RHCE: variants seen among roughly 807,000 people sequenced by gnomAD.
RHCE encodes the protein blood group Rh(CE) polypeptide.
RHCE carries 22 observed loss-of-function variants against 43.8 expected under a neutral mutation model. The ratio of observed to expected loss-of-function variants is 0.50; its 90% CI spans 0.36 to 0.72. RHCE has a LOEUF of 0.72. RHCE is among the 30% of genes least tolerant of loss of function. The pLI is 0.00. For synonymous variants in RHCE, 156 were observed against 210.7 expected (o/e 0.74, Z 2.25); for missense variants, 385 against 525.4 (o/e 0.73, Z 2.61).
chr1:25,382,697 T>A (rs948579849), intron 7 of RHCE, among the ~76,000 whole-genome samples: 2 of 152,012 alleles, frequency 1.3e-5, no homozygotes, highest in African/African-American at 2.4e-5. Flanking sequence ...CAAGTTCAGG[T>A]TAGGGAAGTG....
At chr1:25,379,468 TATATATATATATATATATATATATATA>T (rs1459699496) in intron 7 of RHCE, among the ~76,000 whole-genome samples, 13 of 5,976 alleles carry the variant, frequency 2.2e-3, no homozygotes, top group East Asian at 0.011. Flanking sequence ...TATATATATA[TATATATATATATATATATATATATATA>T]TTTTTTTTTT....
chr1:25,410,436 A>AT (rs994617881), intron 1 of RHCE, among the ~76,000 whole-genome samples: 119 of 145,752 alleles, frequency 8.2e-4, no homozygotes, highest in African/African-American at 1.5e-3. Context: ...CATGTAGACA[A>AT]TTTTTTTTTT....
At chr1:25,419,058 C>T (rs2042685707) in intron 1 of RHCE, among the ~76,000 whole-genome samples, 1 of 152,164 alleles carries the variant, frequency 6.6e-6, no homozygotes. Flanking sequence ...TTTAAATACG[C>T]TGTGCTATTG....
intron 1 of RHCE, among the ~76,000 whole-genome samples, chr1:25,420,109 G>A (rs1334046680): frequency 1.3e-5 from 2 of 151,786 alleles, no homozygotes; most frequent in Non-Finnish European, 2.9e-5. Context: ...TTGAGACTAG[G>A]AGGTCAAGGC....
chr1:25,372,116 G>C (rs1053379214), intron 8 of RHCE, among the ~76,000 whole-genome samples: 1 of 151,618 alleles, frequency 6.6e-6, no homozygotes, highest in Non-Finnish European at 1.5e-5. Context: ...CCATCACTAG[G>C]AACACCCACT....
chr1:25,420,525 C>A, intron 1 of RHCE, 114 bp downstream of exon 1: 1 of 1,603,830 alleles, frequency 6.2e-7, no homozygotes, highest in Non-Finnish European at 8.5e-7. Flanking sequence ...ATGGGGGAAT[C>A]TTTTCCTCGG....
chr1:25,384,788 G>A (rs397833581), intron 7 of RHCE, among the ~76,000 whole-genome samples: 8 of 152,130 alleles, frequency 5.3e-5, no homozygotes, highest in East Asian at 1.9e-4. Context: ...GTTCCAGCCG[G>A]GTGACCTTGG....
intron 2 of RHCE, among the ~76,000 whole-genome samples, chr1:25,403,333 A>G (rs899459457): frequency 6.6e-6 from 1 of 151,664 alleles, no homozygotes; most frequent in African/African-American, 2.4e-5. Context: ...ATTAAGAATG[A>G]TGATCAAACG....
chr1:25,416,819 C>CGG (rs71014361), intron 1 of RHCE, among the ~76,000 whole-genome samples: 7,116 of 116,558 alleles, frequency 0.061, 654 homozygotes, highest in African/African-American at 0.18. Flanking sequence ...TTAGAGATGG[C>CGG]GGGGGGGGGT....
intron 7 of RHCE, among the ~76,000 whole-genome samples, chr1:25,376,897 G>A (rs556156490): frequency 1.3e-5 from 2 of 151,548 alleles, no homozygotes; most frequent in Non-Finnish European, 2.9e-5. Flanking sequence ...CTGGGCAACA[G>A]AGCAAGACTC....
At chr1:25,390,577 C>G (rs1338903490) in intron 5 of RHCE, among the ~76,000 whole-genome samples, 172 bp downstream of exon 5, 1 of 152,190 alleles carries the variant, frequency 6.6e-6, no homozygotes, top group Admixed American at 6.5e-5. Flanking sequence ...AGTCCCAGGC[C>G]CCCTGTGACC....
chr1:25,389,002 A>G lies in RHCE; in HGVS notation c.913T>C (p.Ser305Pro). 1.9e-6 allele frequency: 3 copies of G among 1,614,198 alleles called. No homozygotes were observed. The highest frequency in any genetic ancestry group is 2.5e-6 in the Non-Finnish European group (3 of 1,180,028). ...MVLGLVAGLI[S>P]IGGAKCLPVC... ...GGCAGGCACTTGGCTCCCCCGATGG[A>G]GATCAGCCCAGCCACAAGACCCAGC... is the stretch of plus-strand genomic sequence containing the variant. The change falls in exon 6 of 10, where the codon TCC becomes CCC. Residue 305 changes from serine (S) to proline (P), a missense_variant. Transcript: ENST00000294413.
chr1:25,389,738 G>C (rs1337603735), intron 5 of RHCE, among the ~76,000 whole-genome samples: 3 of 151,982 alleles, frequency 2.0e-5, no homozygotes, highest in Non-Finnish European at 4.4e-5. Context: ...TTGGCTACTT[G>C]GTGCCTGTGC....
rs1053369 is a variant in RHCE, at chr1:25,385,805, C to T, written c.979G>A (p.Val327Ile). 2.2e-5 allele frequency: 35 copies of T among 1,613,870 alleles called. No individual in the cohort carries two copies. Among genetic ancestry groups the T allele is most frequent in the Middle Eastern group, 1.6e-4 (1 of 6,084 alleles). ...NRVLGIHHIS[V>I]MHSIFSLLGL... The stretch of plus-strand genomic sequence containing the variant: ...AGCAAGCTGAAGATGGAGTGCATGA[C>T]GGAGATGTGGTGAATCCCCAGCACT... Residue 327 changes from valine to isoleucine, a missense_variant, in exon 7 of 10, where the codon GTC becomes ATC. Coordinates refer to ENST00000294413, the MANE Select transcript of RHCE (RefSeq NM_020485.8).
At chr1:25,402,238 A>ATCTG (rs1646776201) in intron 3 of RHCE, among the ~76,000 whole-genome samples, 1 of 151,480 alleles carries the variant, frequency 6.6e-6, no homozygotes, top group Non-Finnish European at 1.5e-5. Flanking sequence ...CTATCTATCT[A>ATCTG]TCTATCCACC....
intron 3 of RHCE, among the ~76,000 whole-genome samples, chr1:25,395,322 C>A (rs1646503855): frequency 6.6e-6 from 1 of 150,488 alleles, no homozygotes; most frequent in Admixed American, 6.6e-5. Flanking sequence ...AATGCAGGAA[C>A]AAGTGGAGGT....
At chr1:25,385,991 T>C (rs1228147693) in intron 6 of RHCE, 147 bp from the exon 7 acceptor site, 1 of 1,187,282 alleles carries the variant, frequency 8.4e-7, no homozygotes, top group Non-Finnish European at 1.2e-6. Context: ...GACTTGAATG[T>C]GTACTCACAT....
At position 25,416,498 on chromosome 1, in the gene RHCE, C is replaced by G. The variant is rs547481660; in HGVS notation, c.148+4141G>C. ...CAGGATGGTCTCCATCTCCAGACCT[C>G]GTGATCTGCCTGCCTTGGCCTCCCA... On this transcript the variant is annotated intron_variant, in intron 1 of 9. Transcript: ENST00000294413. Among the ~76,000 whole-genome samples the G allele has an allele frequency of 3.3e-5, 5 of 152,268 alleles. No homozygotes were observed. The South Asian group carries it at 1.0e-3, about 32-fold the overall frequency.
intron 3 of RHCE, among the ~76,000 whole-genome samples, chr1:25,400,337 C>G (rs1320716660): frequency 7.9e-5 from 12 of 152,132 alleles, no homozygotes; most frequent in Admixed American, 6.5e-4. Flanking sequence ...TGGCTACTTC[C>G]CAGCCCTCAT....
Sources: gnomAD v4.1 joint callset for allele counts (sites outside exome capture counted in the v4.1 genomes callset) on GRCh38, gnomAD v4.1.1 for gene constraint, MANE v1.5 for transcripts, NCBI Gene and HGNC (gene_info 2026-07-23, HGNC 2026-07-21) for gene names.